The following AKAP13 variants were observed in gnomAD, a reference collection of about 807,000 sequenced individuals.
AKAP13 encodes the protein A-kinase anchoring protein 13.
Under a neutral mutation model 264.5 loss-of-function variants are expected in AKAP13, and 80 were observed. The observed-to-expected ratio is 0.30, with a 90% CI of 0.25 to 0.36. The LOEUF is 0.36. Among genes scored for constraint, AKAP13 ranks in the 10% least tolerant of loss-of-function variants. The probability of loss-of-function intolerance (pLI) is 1.00; values close to 1 mark genes in which losing one functional copy is unlikely to be tolerated. For synonymous variants in AKAP13, 1,380 were observed against 1,250.2 expected, an observed-to-expected ratio of 1.10 and a Z score of -2.19; for missense variants, 3,712 against 3,435.2, an observed-to-expected ratio of 1.08 and a Z score of -2.01.
Position 85,731,020 on chromosome 15 carries a change from T to TC in AKAP13, c.7282+313_7282+314insC, listed in dbSNP as rs1240916675. 2.1e-5 allele frequency among the ~76,000 whole-genome samples: 3 copies of TC among 143,934 alleles called. No individual in the cohort carries two copies. The Admixed American group carries it at 2.2e-4, about 11-fold the overall frequency. The allele number at this position is 143,934 out of a possible 152,430, so 94.4% of individuals were successfully genotyped here. A position where few individuals can be genotyped will look rare whatever the true frequency, so the allele number is the denominator to read the frequency against. On this transcript the variant is annotated intron_variant, in intron 30 of 36. Coordinates refer to ENST00000394518, the MANE Select transcript of AKAP13 (RefSeq NM_007200.5). ...TGCTTTTTTTTTTTTTTTTTTTTTT[T>TC]TGGCAGGATCTTGCTGCTCTGTTTC...
chr15:85,528,895 A>C (rs16940997), intron 3 of AKAP13, among the ~76,000 whole-genome samples: 42,636 of 151,990 alleles, frequency 0.28, 7,309 homozygotes, highest in African/African-American at 0.49. Flanking sequence ...TCATAAGTTC[A>C]GTAAAATTTT....
chr15:85,447,636 CT>C (rs1380020820), intron 1 of AKAP13, among the ~76,000 whole-genome samples: 1 of 151,714 alleles, frequency 6.6e-6, no homozygotes, highest in Non-Finnish European at 1.5e-5. Context: ...ATTTTCTGTT[CT>C]TGTGTTAATT....
chr15:85,611,294 G>A (rs937654078), intron 8 of AKAP13, among the ~76,000 whole-genome samples: 9 of 152,030 alleles, frequency 5.9e-5, no homozygotes, highest in Non-Finnish European at 1.0e-4. Context: ...TGCCTACCAT[G>A]GCTCTGCTCA....
At chr15:85,461,799 T>C (rs2074529825) in intron 1 of AKAP13, among the ~76,000 whole-genome samples, 1 of 152,194 alleles carries the variant, frequency 6.6e-6, no homozygotes, top group South Asian at 2.1e-4. Flanking sequence ...CCCTTTTGGA[T>C]AGAAGTTTTT....
intron 1 of AKAP13, among the ~76,000 whole-genome samples, chr15:85,474,856 G>T (rs181325922): frequency 6.6e-6 from 1 of 152,260 alleles, no homozygotes; most frequent in East Asian, 1.9e-4. Context: ...AATTAACAAG[G>T]TAACTGACAT....
In AKAP13 at chr15:85,639,408, G is replaced by A; in HGVS notation, c.4196G>A (p.Cys1399Tyr). The change falls in exon 9 of 37, where the codon TGC becomes TAC. Residue 1399 changes from cysteine (C) to tyrosine (Y), a missense_variant. Cys to Tyr is a radical substitution (Grantham distance 194). Transcript: ENST00000394518. Reference sequence around the variant, plus strand: ...GAAAACTGGTGTACAATAGAGCCATGCCCTGATGCAGCATCTCTTCTGGCT... The same window carrying A: ...GAAAACTGGTGTACAATAGAGCCATACCCTGATGCAGCATCTCTTCTGGCT... Reference protein sequence around the residue: ...NRENWCTIEPCPDAASLLASK... With the variant: ...NRENWCTIEPYPDAASLLASK... 1 of 1,612,880 alleles carries A rather than the reference G, an allele frequency of 6.2e-7. No homozygotes were observed. Among genetic ancestry groups the A allele is most frequent in the Non-Finnish European group, 8.5e-7 (1 of 1,179,664 alleles).
At chr15:85,559,206 A>G (rs2078265014) in intron 5 of AKAP13, among the ~76,000 whole-genome samples, 1 of 152,174 alleles carries the variant, frequency 6.6e-6, no homozygotes, top group South Asian at 2.1e-4. Context: ...GCACTGGTTA[A>G]ACAGAAGACA....
intron 1 of AKAP13, among the ~76,000 whole-genome samples, chr15:85,441,322 C>A (rs1376450435): frequency 2.6e-5 from 4 of 151,888 alleles, no homozygotes; most frequent in African/African-American, 9.7e-5. Flanking sequence ...TCTGTTCAAA[C>A]CTTTTGCCTA....
chr15:85,609,631 A>G (rs1288919918), intron 8 of AKAP13, among the ~76,000 whole-genome samples: 1 of 152,188 alleles, frequency 6.6e-6, no homozygotes, highest in Non-Finnish European at 1.5e-5. Flanking sequence ...TGGGATTCCT[A>G]GATCATACGG....
intron 31 of AKAP13, 119 bp downstream of exon 31, chr15:85,735,269 A>C: frequency 7.5e-7 from 1 of 1,334,238 alleles, no homozygotes; most frequent in South Asian, 1.4e-5. Context: ...TCTTAGTGAG[A>C]TTTCAAGACA....
intron 10 of AKAP13, among the ~76,000 whole-genome samples, chr15:85,651,782 T>TA (rs1479470150): frequency 6.6e-6 from 1 of 152,220 alleles, no homozygotes; most frequent in Non-Finnish European, 1.5e-5. Flanking sequence ...TTAACTGTTT[T>TA]CCCACCGCAG....
At chr15:85,515,403 G>A (rs1207513474) in intron 2 of AKAP13, among the ~76,000 whole-genome samples, 1 of 138,262 alleles carries the variant, frequency 7.2e-6, no homozygotes, top group Non-Finnish European at 1.5e-5. Context: ...CAAACGCTTT[G>A]TTGTGTGGTT....
intron 14 of AKAP13, among the ~76,000 whole-genome samples, chr15:85,679,911 A>G (rs893031879): frequency 6.6e-6 from 1 of 152,214 alleles, no homozygotes; most frequent in Non-Finnish European, 1.5e-5. Flanking sequence ...TACTTTAGGA[A>G]TTTCAGAGGC....
intron 1 of AKAP13, among the ~76,000 whole-genome samples, chr15:85,469,431 T>G (rs1271170240): frequency 1.3e-5 from 2 of 152,144 alleles, no homozygotes; most frequent in Non-Finnish European, 2.9e-5. Context: ...AGTTCCAGAT[T>G]GTGACAAATG....
chr15:85,443,133 CA>C (rs1349249662), intron 1 of AKAP13, among the ~76,000 whole-genome samples: 1 of 151,904 alleles, frequency 6.6e-6, no homozygotes, highest in Non-Finnish European at 1.5e-5. Context: ...GTTCTCCCCC[CA>C]CCCCCCAACA....
At chr15:85,609,148 C>T (rs888817982) in intron 8 of AKAP13, among the ~76,000 whole-genome samples, 1 of 152,096 alleles carries the variant, frequency 6.6e-6, no homozygotes, top group Non-Finnish European at 1.5e-5. Flanking sequence ...CCTCTCTTCC[C>T]GCTAGTTTGA....
intron 2 of AKAP13, 46 bp downstream of exon 2, chr15:85,485,799 T>G: frequency 6.3e-7 from 1 of 1,581,372 alleles, no homozygotes; most frequent in East Asian, 2.2e-5. Flanking sequence ...TTATCTGTTC[T>G]GCTTACTTGT....
intron 3 of AKAP13, among the ~76,000 whole-genome samples, chr15:85,526,603 C>A (rs1452882812): frequency 6.6e-6 from 1 of 152,162 alleles, no homozygotes; most frequent in African/African-American, 2.4e-5. Context: ...GAATTACTTT[C>A]TAGCAGCAGG....
chr15:85,423,448 T>A (rs1318163840), intron 1 of AKAP13, among the ~76,000 whole-genome samples: 1 of 152,250 alleles, frequency 6.6e-6, no homozygotes, highest in Non-Finnish European at 1.5e-5. Context: ...GCCACTTTCT[T>A]TGCTCATTCC....
Sources: gnomAD v4.1 joint callset for allele counts (sites outside exome capture counted in the v4.1 genomes callset) on GRCh38, gnomAD v4.1.1 for gene constraint, MANE v1.5 for transcripts, NCBI Gene and HGNC (gene_info 2026-07-23, HGNC 2026-07-21) for gene names.